TTN: variants seen among roughly 807,000 people sequenced by gnomAD.
TTN encodes titin, also known as connectin.
TTN carries 1,525 observed loss-of-function variants against 3,223.0 expected under a neutral mutation model. That is an observed-to-expected ratio of 0.47 (90% CI 0.45 to 0.49). The LOEUF is 0.49. TTN is among the 20% of genes least tolerant of loss of function. TTN has a pLI of 0.00. For missense variants in TTN, 40,786 were observed against 43,424.0 expected (o/e 0.94, Z 5.40); for synonymous variants, 14,094 against 15,161.0 (o/e 0.93, Z 5.17).
chr2:178,754,051 G>GT (rs2086294730), intron 46 of TTN: 1 of 152,098 alleles, frequency 6.6e-6, no homozygotes, highest in Non-Finnish European at 1.5e-5. Context: ...AATTAGCTGT[G>GT]TTTGTAAGAA....
At chr2:178,736,637 C>T (rs1268831740) in intron 49 of TTN, among the ~76,000 whole-genome samples, 1 of 152,176 alleles carries the variant, frequency 6.6e-6, no homozygotes, top group Non-Finnish European at 1.5e-5. Flanking sequence ...ATCTTGAAGC[C>T]AGACTTTCAG....
chr2:178,546,732 C>T lies in TTN; in HGVS notation c.94696G>A (p.Asp31566Asn). The T allele has an allele frequency of 1.2e-6, 2 of 1,613,770 alleles. No individual in the cohort carries two copies. The highest frequency in any genetic ancestry group is 8.5e-7 in the Non-Finnish European group (1 of 1,179,748). Residue 31566 changes from aspartate to asparagine, a missense_variant, in exon 341 of 363, where the codon GAC becomes AAC. By Grantham distance (23) the Asp-to-Asn change is conservative. Transcript: ENST00000589042. ...AGAGCAGTCACGGTGAAGAAATTGT[C>T]AGATACAATGGTGTAGTTGCACTTC... ...WLKCNYTIVS[D>N]NFFTVTALSE...
At chr2:178,693,893 G>A (rs757229902) in intron 118 of TTN, 29 bp downstream of exon 118, 2 of 1,594,974 alleles carry the variant, frequency 1.3e-6, no homozygotes, top group Non-Finnish European at 1.7e-6. Flanking sequence ...CCTTCCATTT[G>A]AGCCCCCACA....
At chr2:178,671,236 C>T (rs987658246) in intron 155 of TTN, 66 bp from the exon 156 acceptor site, 48 of 1,180,878 alleles carry the variant, frequency 4.1e-5, no homozygotes, top group Middle Eastern at 2.8e-4. Context: ...CTACTACTAA[C>T]GTTAGTACAA....
At position 178,739,787 on chromosome 2, in the gene TTN, A is replaced by T; in HGVS notation, c.13446T>A (p.Tyr4482Ter). The T allele has an allele frequency of 6.2e-7, 1 of 1,613,844 alleles. No homozygotes were observed. The highest frequency in any genetic ancestry group is 8.5e-7 in the Non-Finnish European group (1 of 1,179,816). ...ELRDALCAII[Y>*]EEIDILTAEG... is the part of the protein sequence containing the mutation. ...CAGCTGTTAGGATGTCTATTTCCTC[A>T]TATATAATAGCACACAAAGCATCCC... Residue 4482 changes from tyrosine to a stop codon, truncating the protein, a stop_gained, in exon 48 of 363, where the codon TAT becomes TAA. Coordinates refer to ENST00000589042, the MANE Select transcript of TTN (RefSeq NM_001267550.2). LOFTEE classifies it high-confidence loss of function.
At chr2:178,712,632 A>G in intron 94 of TTN, 39 bp from the exon 95 acceptor site, 1 of 1,607,294 alleles carries the variant, frequency 6.2e-7, no homozygotes, top group East Asian at 2.2e-5. Flanking sequence ...TCAAACACAT[A>G]TACATACAGA....
chr2:178,760,211 G>A (rs1365750931), intron 43 of TTN, among the ~76,000 whole-genome samples: 1 of 152,172 alleles, frequency 6.6e-6, no homozygotes, highest in Non-Finnish European at 1.5e-5. Flanking sequence ...AATCTGTTCA[G>A]TTCCTTAGAT....
rs1362825687 is a variant in TTN at position 178,564,759 on chromosome 2, T to C, written c.81373A>G (p.Thr27125Ala). Residue 27125 changes from threonine to alanine, a missense_variant, in exon 326 of 363, where the codon ACC becomes GCC. Coordinates refer to ENST00000589042, the MANE Select transcript of TTN (RefSeq NM_001267550.2). ...NSILWVKLNKTPIQDTKFKTT... is the reference protein window; with the variant it reads ...NSILWVKLNKAPIQDTKFKTT... The stretch of plus-strand genomic sequence containing the variant: ...TTGAATTTGGTGTCCTGAATGGGGG[T>C]CTTATTTAACTTGACCCATAAAATA... The C allele has an allele frequency of 6.2e-7, 1 of 1,612,312 alleles. No homozygotes were observed.
chr2:178,530,784 A>C lies in TTN; in HGVS notation c.105831T>G (p.Val35277=), dbSNP rs751375570. The part of the protein sequence containing the change: ...TETKPTPTEK[V]QHLPVSAPPK... Reference sequence around the variant, plus strand: ...GTGGGGCAGAGACTGGGAGGTGCTGAACTTTCTCTGTTGGTGTTGGTTTTG... The same window carrying C: ...GTGGGGCAGAGACTGGGAGGTGCTGCACTTTCTCTGTTGGTGTTGGTTTTG... The change falls in exon 358 of 363, where the codon GTT becomes GTG. Residue 35277 remains valine (V), a synonymous_variant. Transcript: ENST00000589042. 6 of 1,613,378 alleles carry C rather than the reference A, an allele frequency of 3.7e-6. No individual in the cohort carries two copies. Among genetic ancestry groups the C allele is most frequent in the Non-Finnish European group, 5.1e-6 (6 of 1,179,774 alleles).
Position 178,620,940 on chromosome 2 carries a change from C to T in TTN, c.45670G>A (p.Glu15224Lys). ...TTGACTTCACAGTTGAAGACAACTT[C>T]CTGTTGTTCCTTCACCCGGGTGTCC... Reference protein sequence around the residue: ...LKDTRVKEQQEVVFNCEVNTE... With the variant: ...LKDTRVKEQQKVVFNCEVNTE... The change falls in exon 247 of 363, where the codon GAA becomes AAA. Residue 15224 changes from glutamate (E) to lysine (K), a missense_variant. By Grantham distance (56) the Glu-to-Lys change is moderately conservative. Transcript: ENST00000589042. 1.2e-6 allele frequency: 2 copies of T among 1,612,372 alleles called. No homozygotes were observed. Among genetic ancestry groups the T allele is most frequent in the Non-Finnish European group, 1.7e-6 (2 of 1,179,150 alleles).
In TTN at chr2:178,634,390, TCTTCTTGCCCTCCACCTCAG is replaced by T; in HGVS notation, c.42371_42390del (p.Ala14124AspfsTer19). The T allele has an allele frequency of 6.2e-7, 1 of 1,608,996 alleles. No homozygotes were observed. Among genetic ancestry groups the T allele is most frequent in the Non-Finnish European group, 8.5e-7 (1 of 1,178,584 alleles). On this transcript the variant is annotated frameshift_variant, in exon 230 of 363. Coordinates refer to ENST00000589042, the MANE Select transcript of TTN (RefSeq NM_001267550.2). LOFTEE classifies it high-confidence loss of function. This position sits in a 1 kb window ranked among gnomAD's most constrained non-coding sequence, Gnocchi z 4.6. ...CCTGTGACAAACAACCGAGCTGAGG[TCTTCTTGCCCTCCACCTCAG>T]CAGTATAGACCCCTTCATCATCAAA...
chr2:178,548,344 A>T lies in TTN; in HGVS notation c.93282T>A (p.Asn31094Lys), dbSNP rs1698030124. 1 of 1,613,756 alleles carries T rather than the reference A, an allele frequency of 6.2e-7. No individual in the cohort carries two copies. The highest frequency in any genetic ancestry group is 8.5e-7 in the Non-Finnish European group (1 of 1,179,718). ...VPYYFRVSAV[N>K]EYGVGEPYEM... ...CATAGGGCTCACCAACACCATACTC[A>T]TTTACTGCAGAAACACGGAAATAGT... The change falls in exon 339 of 363, where the codon AAT (asparagine) becomes AAA (lysine). Residue 31094 changes from asparagine to lysine, a missense_variant. Transcript: ENST00000589042. The surrounding 1 kb of genome is among the most constrained non-coding windows in gnomAD (Gnocchi z 4.3).
intron 69 of TTN, chr2:178,726,691 CTTTCACT>C: frequency 6.3e-6 from 1 of 157,618 alleles, no homozygotes; most frequent in Non-Finnish European, 1.4e-5. Context: ...ACCTGTATTG[CTTTCACT>C]TTGCATAGAT....
Position 178,706,996 on chromosome 2 carries a change from G to A in TTN, c.29042-42C>T, listed in dbSNP as rs567800869. 14 of 1,521,590 alleles carry A rather than the reference G, an allele frequency of 9.2e-6. No homozygotes were observed. In the African/African-American group the frequency reaches 1.8e-4, roughly 19 times the overall value. 94.3% of individuals were successfully genotyped at this position (1,521,590 alleles called of 1,614,324 possible). A position where few individuals can be genotyped will look rare whatever the true frequency, so the allele number is the denominator to read the frequency against. On this transcript the variant is annotated intron_variant, in intron 100 of 362. Transcript: ENST00000589042. ...ATGTTTTGTTACTACAATCACCTCA[G>A]AATTACAATACATATCCCCCTTTGT...
At position 178,727,651 on chromosome 2, in the gene TTN, G is replaced by C; in HGVS notation, c.19927C>G (p.Gln6643Glu). 1 of 1,612,050 alleles carries C rather than the reference G, an allele frequency of 6.2e-7. No individual in the cohort carries two copies. Among genetic ancestry groups the C allele is most frequent in the Admixed American group, 1.7e-5 (1 of 59,800 alleles). ...TCATTGGTAACATGGCAAGTATACT[G>C]TCCAGTCTTAGAAGCATCCACTGAG... is the stretch of plus-strand genomic sequence containing the variant. ...LYSVDASKTG[Q>E]YTCHVTNDVG... Residue 6643 changes from glutamine (Q) to glutamate (E), a missense_variant, in exon 68 of 363, where the codon CAG (glutamine) becomes GAG (glutamate). Gln to Glu is a conservative substitution (Grantham distance 29). Transcript: ENST00000589042.
chr2:178,564,876 T>C lies in TTN; in HGVS notation c.81256A>G (p.Lys27086Glu). The change falls in exon 326 of 363, where the codon AAA (lysine) becomes GAA (glutamate). Residue 27086 changes from lysine (K) to glutamate (E), a missense_variant. Transcript: ENST00000589042. ...PGTPFVTSIS[K>E]DQMLVQWHEP... ...TGCCATTGCACAAGCATCTGATCTT[T>C]TGAGATTGATGTCACAAAAGGAGTT... is the stretch of plus-strand genomic sequence containing the variant. The C allele has an allele frequency of 6.2e-7, 1 of 1,612,474 alleles. No homozygotes were observed. Among genetic ancestry groups the C allele is most frequent in the South Asian group, 1.1e-5 (1 of 90,754 alleles).
chr2:178,533,931 A>G lies in TTN; in HGVS notation c.102684T>C (p.Gly34228=). The change falls in exon 358 of 363, where the codon GGT becomes GGC. Residue 34228 remains glycine, a synonymous_variant. Coordinates refer to ENST00000589042, the MANE Select transcript of TTN (RefSeq NM_001267550.2). ...AGTAATAGTCATAGACTTCTCTCACACCTTTAACAAATAGCTCTGCATAAG... is the reference window on the plus strand; with the variant it reads ...AGTAATAGTCATAGACTTCTCTCACGCCTTTAACAAATAGCTCTGCATAAG... ...DSSYAELFVK[G]VREVYDYYCR... 1 of 1,613,700 alleles carries G rather than the reference A, an allele frequency of 6.2e-7. No homozygotes were observed. The highest frequency in any genetic ancestry group is 8.5e-7 in the Non-Finnish European group (1 of 1,179,828).
At position 178,540,194 on chromosome 2, in the gene TTN, G is replaced by A. The variant is rs879097896; in HGVS notation, c.97972C>T (p.Arg32658Ter). The change falls in exon 351 of 363, where the codon CGA becomes TGA. Residue 32658 changes from arginine (R) to a stop codon, truncating the protein, a stop_gained. Transcript: ENST00000589042. LOFTEE classifies it high-confidence loss of function. ...TKCNTTPTKI[R>*]EYTLTHLPQG... ...GGTAGGTGTGTTAGAGTATACTCTC[G>A]AATCTTGGTTGGAGTGGTGTTACAC... 1.2e-6 allele frequency: 2 copies of A among 1,613,790 alleles called. No individual in the cohort carries two copies. Among genetic ancestry groups the A allele is most frequent in the African/African-American group, 1.3e-5 (1 of 74,998 alleles).
In TTN at chr2:178,636,331, C is replaced by T; in HGVS notation, c.41329+67G>A. ...TAAGAGGTTTTGTAAAACTACAATG[C>T]AAGTTGCTACTAAGGTTTGTTACAT... is the stretch of plus-strand genomic sequence containing the variant. On this transcript the variant is annotated intron_variant, in intron 225 of 362. Coordinates refer to ENST00000589042, the MANE Select transcript of TTN (RefSeq NM_001267550.2). This position sits in a 1 kb window ranked among gnomAD's most constrained non-coding sequence, Gnocchi z 4.3. 1.3e-6 allele frequency: 2 copies of T among 1,511,922 alleles called. No individual in the cohort carries two copies. The highest frequency in any genetic ancestry group is 1.4e-5 in the South Asian group (1 of 73,284). 93.7% of individuals were successfully genotyped at this position (1,511,922 alleles called of 1,614,324 possible). A position where few individuals can be genotyped will look rare whatever the true frequency, so the allele number is the denominator to read the frequency against.
Sources: gnomAD v4.1 joint callset for allele counts (sites outside exome capture counted in the v4.1 genomes callset) on GRCh38, gnomAD v4.1.1 for gene constraint, Gnocchi (gnomAD v3.1) non-coding constraint, MANE v1.5 for transcripts, NCBI Gene and HGNC (gene_info 2026-07-23, HGNC 2026-07-21) for gene names.